The following MATCAP2 variants were observed in gnomAD, a reference collection of about 807,000 sequenced individuals.
The protein encoded by MATCAP2 is microtubule associated tyrosine carboxypeptidase 2.
At chr7:36,324,206 T>C in the MATCAP2 span, 1 of 152,218 alleles carries the variant, frequency 6.6e-6, no homozygotes, top group Admixed American at 6.5e-5. Context: ...CATGCATACA[T>C]AGCCACACAC....
chr7:36,368,904 C>T, the MATCAP2 span, among the ~76,000 whole-genome samples: 1 of 152,200 alleles, frequency 6.6e-6, no homozygotes, highest in Admixed American at 6.5e-5. Flanking sequence ...AGGACTTAAT[C>T]CAAATGTCAC....
chr7:36,348,294 G>A, the MATCAP2 span, among the ~76,000 whole-genome samples: 2 of 152,140 alleles, frequency 1.3e-5, no homozygotes, highest in African/African-American at 4.8e-5. Context: ...CAGATCATTA[G>A]GCCTCCATTT....
At chr7:36,326,820 G>A in the MATCAP2 span, 1 of 1,613,922 alleles carries the variant, frequency 6.2e-7, no homozygotes, top group Admixed American at 1.7e-5. Flanking sequence ...TCTTCTCTAA[G>A]TGTTCCATAT....
At chr7:36,374,484 G>T in the MATCAP2 span, among the ~76,000 whole-genome samples, 1 of 152,112 alleles carries the variant, frequency 6.6e-6, no homozygotes, top group South Asian at 2.1e-4. Flanking sequence ...ACGTTTTTAC[G>T]TTCTAAGAAC....
At chr7:36,353,951 C>T in the MATCAP2 span, among the ~76,000 whole-genome samples, 4 of 152,212 alleles carry the variant, frequency 2.6e-5, no homozygotes, top group Admixed American at 1.3e-4. Flanking sequence ...TAAGAATCTA[C>T]TTCTGACCCA....
the MATCAP2 span, among the ~76,000 whole-genome samples, chr7:36,333,230 A>T: frequency 6.6e-6 from 1 of 152,220 alleles, no homozygotes; most frequent in East Asian, 1.9e-4. Flanking sequence ...ATGAATTTTG[A>T]AAACATGCTA....
the MATCAP2 span, among the ~76,000 whole-genome samples, chr7:36,329,109 G>GT: frequency 6.6e-6 from 1 of 151,736 alleles, no homozygotes; most frequent in African/African-American, 2.4e-5. Flanking sequence ...TTTTATGAAG[G>GT]TTTTTAAAGT....
chr7:36,365,121 A>G, the MATCAP2 span, among the ~76,000 whole-genome samples: 1 of 152,242 alleles, frequency 6.6e-6, no homozygotes, highest in African/African-American at 2.4e-5. Context: ...ATCACTCTGC[A>G]TGACTAATTG....
the MATCAP2 span, among the ~76,000 whole-genome samples, chr7:36,347,236 C>G: frequency 5.3e-5 from 8 of 152,068 alleles, no homozygotes; most frequent in Admixed American, 3.3e-4. Context: ...CTATATAAAA[C>G]TTTCAACACT....
chr7:36,332,817 C>A, the MATCAP2 span, among the ~76,000 whole-genome samples: 2 of 152,162 alleles, frequency 1.3e-5, no homozygotes, highest in African/African-American at 4.8e-5. Flanking sequence ...GTCCCAGCTA[C>A]TTGGGAGGCT....
the MATCAP2 span, among the ~76,000 whole-genome samples, chr7:36,350,677 G>A: frequency 6.6e-6 from 1 of 152,122 alleles, no homozygotes; most frequent in Non-Finnish European, 1.5e-5. Context: ...AAGTAGCTGG[G>A]ATTACAGGCA....
chr7:36,354,300 C>A, the MATCAP2 span, among the ~76,000 whole-genome samples: 1 of 152,198 alleles, frequency 6.6e-6, no homozygotes, highest in African/African-American at 2.4e-5. Flanking sequence ...AACTCCTTGA[C>A]AATGATGGGG....
the MATCAP2 span, among the ~76,000 whole-genome samples, chr7:36,370,832 C>A: frequency 3.9e-5 from 6 of 152,268 alleles, no homozygotes; most frequent in South Asian, 1.2e-3. Context: ...GTCCTTCACC[C>A]TTTTTAAAGT....
At chr7:36,360,220 G>A in the MATCAP2 span, among the ~76,000 whole-genome samples, 1 of 152,086 alleles carries the variant, frequency 6.6e-6, no homozygotes, top group South Asian at 2.1e-4. Context: ...AAAGAACTGA[G>A]CTTGCTGAGT....
the MATCAP2 span, among the ~76,000 whole-genome samples, chr7:36,347,153 AT>A: frequency 2.0e-5 from 3 of 152,138 alleles, no homozygotes; most frequent in African/African-American, 7.2e-5. Flanking sequence ...TAATAAAGCT[AT>A]TTTTTTAAAG....
the MATCAP2 span, among the ~76,000 whole-genome samples, chr7:36,345,039 T>C: frequency 6.6e-6 from 1 of 152,204 alleles, no homozygotes; most frequent in Non-Finnish European, 1.5e-5. Flanking sequence ...ACTTTGGACC[T>C]TCCCTTTGTG....
chr7:36,372,955 A>G, the MATCAP2 span, among the ~76,000 whole-genome samples: 1 of 152,150 alleles, frequency 6.6e-6, no homozygotes, highest in Admixed American at 6.5e-5. Flanking sequence ...AAATTCAAAA[A>G]TTAGCCAGGT....
chr7:36,365,760 G>A, the MATCAP2 span, among the ~76,000 whole-genome samples: 2 of 152,324 alleles, frequency 1.3e-5, no homozygotes, highest in Non-Finnish European at 2.9e-5. Context: ...TCCATATTTA[G>A]GAGGTATGGT....
the MATCAP2 span, chr7:36,389,887 A>AGAG: frequency 1.4e-6 from 2 of 1,475,428 alleles, no homozygotes; most frequent in Non-Finnish European, 1.9e-6. Flanking sequence ...AGCCGAGAGG[A>AGAG]GAGGACAGCT....
Sources: gnomAD v4.1 joint callset for allele counts (sites outside exome capture counted in the v4.1 genomes callset) on GRCh38, gnomAD v4.1.1 for gene constraint, MANE v1.5 for transcripts, NCBI Gene and HGNC (gene_info 2026-07-23, HGNC 2026-07-21) for gene names.